The following RBFOX1 variants were observed in gnomAD, a reference collection of about 807,000 sequenced individuals.
RBFOX1 encodes RNA binding protein fox-1 homolog 1.
A neutral mutation model predicts 57.7 loss-of-function variants in RBFOX1; 8 were observed. That is an observed-to-expected ratio of 0.14 (90% CI 0.08 to 0.25). The LOEUF is 0.25. RBFOX1 is among the 10% of genes least tolerant of loss of function. The pLI is 1.00. For missense variants in RBFOX1, 611 were observed against 548.5 expected (o/e 1.11, Z -1.14); for synonymous variants, 326 against 222.4 (o/e 1.47, Z -4.15).
chr16:6,923,677 C>T (rs925049671), intron 3 of RBFOX1, among the ~76,000 whole-genome samples: 10 of 152,162 alleles, frequency 6.6e-5, no homozygotes, highest in Admixed American at 5.2e-4. Context: ...ACCCTTTACT[C>T]TTTACCCCTT....
chr16:7,544,261 G>T (rs146062118), intron 5 of RBFOX1, among the ~76,000 whole-genome samples: 1 of 152,178 alleles, frequency 6.6e-6, no homozygotes, highest in Non-Finnish European at 1.5e-5. Flanking sequence ...AGAAGTGAAC[G>T]TTGGAGTCAG....
At position 7,575,685 on chromosome 16, in the gene RBFOX1, G is replaced by A. The variant is rs553197532; in HGVS notation, c.271-4092G>A. Among the ~76,000 whole-genome samples, 6 of 152,294 alleles carry A rather than the reference G, an allele frequency of 3.9e-5. No homozygotes were observed. The South Asian group carries it at 8.3e-4, about 21-fold the overall frequency. On this transcript the variant is annotated intron_variant, in intron 5 of 15. Coordinates refer to ENST00000550418, the MANE Select transcript of RBFOX1 (RefSeq NM_018723.4). The stretch of plus-strand genomic sequence containing the variant: ...AACTACAGGAGAATGAAGTCCAGTG[G>A]CTTTAAGCCGCCAGCTTTATGGTCC...
intron 3 of RBFOX1, among the ~76,000 whole-genome samples, chr16:6,882,830 T>A (rs58563430): frequency 0.064 from 9,790 of 152,082 alleles, 1,086 homozygotes; most frequent in African/African-American, 0.22. Context: ...TTTGCCCCTT[T>A]TCAGAGGCTT....
chr16:5,742,278 C>T (rs185498265), intron 3 of RBFOX1, among the ~76,000 whole-genome samples: 46 of 141,134 alleles, frequency 3.3e-4, no homozygotes, highest in African/African-American at 1.2e-3. Flanking sequence ...CTTTCTTCCT[C>T]CCTCCCTCCC....
chr16:7,422,989 C>T (rs1460541494), intron 4 of RBFOX1: 1 of 152,284 alleles, frequency 6.6e-6, no homozygotes, highest in African/African-American at 2.4e-5. Flanking sequence ...ACACTGACAC[C>T]TGGCCACCCA....
chr16:6,185,410 T>C (rs2097098851), intron 1 of RBFOX1, among the ~76,000 whole-genome samples: 1 of 152,222 alleles, frequency 6.6e-6, no homozygotes, highest in African/African-American at 2.4e-5. Flanking sequence ...AATAAGCTGA[T>C]TATCTCCATT....
rs564913761 is a variant in RBFOX1 at position 6,207,311 on chromosome 16, C to T, written c.-126-109684C>T. Among the ~76,000 whole-genome samples the T allele has an allele frequency of 1.3e-4, 20 of 152,284 alleles. No individual in the cohort carries two copies. In the East Asian group the frequency reaches 3.9e-3, roughly 29 times the overall value. ...CCAAAGAAATGGCAGTTAATGCAAT[C>T]TATAGAAAGCCATAAATGAGGCTGA... On this transcript the variant is annotated intron_variant, in intron 1 of 15. Coordinates refer to ENST00000550418, the MANE Select transcript of RBFOX1 (RefSeq NM_018723.4).
At chr16:6,021,918 G>C (rs1005640754) in intron 1 of RBFOX1, among the ~76,000 whole-genome samples, 10 of 152,178 alleles carry the variant, frequency 6.6e-5, no homozygotes, top group African/African-American at 2.4e-4. Context: ...TATGAGTTTT[G>C]TTTCTTTATT....
intron 3 of RBFOX1, among the ~76,000 whole-genome samples, chr16:5,794,759 G>A (rs866049740): frequency 6.6e-5 from 10 of 152,168 alleles, no homozygotes; most frequent in Admixed American, 2.0e-4. Flanking sequence ...TCAAGTGACT[G>A]AACATTAACA....
At chr16:6,576,540 C>G (rs960514042) in intron 2 of RBFOX1, among the ~76,000 whole-genome samples, 2 of 152,106 alleles carry the variant, frequency 1.3e-5, no homozygotes, top group Non-Finnish European at 2.9e-5. Flanking sequence ...AATGCTATGG[C>G]TCACCCTCCT....
chr16:7,580,216 T>G (rs1003615), intron 6 of RBFOX1, among the ~76,000 whole-genome samples: 9 of 151,974 alleles, frequency 5.9e-5, no homozygotes, highest in Admixed American at 5.2e-4. Context: ...GGAAGCCTAT[T>G]GATGGTCCTA....
At chr16:6,511,268 TAGGG>T (rs1331212209) in intron 2 of RBFOX1, among the ~76,000 whole-genome samples, 1 of 152,100 alleles carries the variant, frequency 6.6e-6, no homozygotes, top group Admixed American at 6.6e-5. Context: ...TCACAGGAAA[TAGGG>T]AGGAATAGGC....
intron 2 of RBFOX1, among the ~76,000 whole-genome samples, chr16:6,487,718 TA>T (rs1567405502): frequency 1.5e-4 from 2 of 13,388 alleles, no homozygotes; most frequent in Non-Finnish European, 3.1e-4. Flanking sequence ...TATATATATA[TA>T]TATATATATA....
chr16:7,540,559 A>G (rs2082644434), intron 5 of RBFOX1, among the ~76,000 whole-genome samples: 1 of 152,246 alleles, frequency 6.6e-6, no homozygotes, highest in Non-Finnish European at 1.5e-5. Flanking sequence ...CCAGGTTTAT[A>G]CAACACATCT....
At chr16:6,567,064 A>T (rs1052946750) in intron 2 of RBFOX1, among the ~76,000 whole-genome samples, 1 of 152,166 alleles carries the variant, frequency 6.6e-6, no homozygotes, top group East Asian at 1.9e-4. Flanking sequence ...CTCTTCCATA[A>T]CTGAGTTAGT....
chr16:5,817,942 G>A (rs571899548), intron 3 of RBFOX1, among the ~76,000 whole-genome samples: 14 of 152,092 alleles, frequency 9.2e-5, no homozygotes, highest in Non-Finnish European at 1.8e-4. Flanking sequence ...TACCCACCTC[G>A]GCCTCCAAAA....
rs184090405 is a variant in RBFOX1, at chr16:7,082,389, T to G, written c.27+30291T>G. Among the ~76,000 whole-genome samples, 929 of 151,964 alleles carry G rather than the reference T, an allele frequency of 6.1e-3. 7 individuals carry two copies. Among genetic ancestry groups the G allele is most frequent in the Non-Finnish European group, 8.1e-3 (550 of 67,960 alleles). On this transcript the variant is annotated intron_variant, in intron 4 of 15. Coordinates refer to ENST00000550418, the MANE Select transcript of RBFOX1 (RefSeq NM_018723.4). ...TGAGGCCAGGAGTTTGAGACCAGCTTGGGAAACATGGCACAACCCTGCATC... is the reference window on the plus strand; with the variant it reads ...TGAGGCCAGGAGTTTGAGACCAGCTGGGGAAACATGGCACAACCCTGCATC...
At chr16:5,566,012 A>G (rs2046055062) in intron 2 of RBFOX1, among the ~76,000 whole-genome samples, 1 of 152,180 alleles carries the variant, frequency 6.6e-6, no homozygotes, top group Non-Finnish European at 1.5e-5. Flanking sequence ...ATTTTATAAG[A>G]GGAAACCCCT....
chr16:5,826,136 C>A lies in RBFOX1; in HGVS notation c.319-41167C>A, dbSNP rs2056042593. On this transcript the variant is annotated intron_variant, in intron 3 of 19. Coordinates refer to the RBFOX1 transcript ENST00000641259. ...CTTAATATGAATAAGGAATATTATT[C>A]CTTATATATATTATTATATATAACA... Among the ~76,000 whole-genome samples the A allele has an allele frequency of 1.4e-5, 2 of 146,236 alleles. 1 individual carries two copies. The highest frequency in any genetic ancestry group is 5.0e-5 in the African/African-American group (2 of 40,226).
Sources: allele counts gnomAD v4.1 joint callset (sites outside exome capture counted in the v4.1 genomes callset), GRCh38; gene constraint gnomAD v4.1.1; transcripts MANE v1.5; gene names NCBI Gene and HGNC (gene_info 2026-07-23, HGNC 2026-07-21).